Variants in QPCT observed in about 807,000 individuals in gnomAD.
The protein encoded by QPCT is EC.
A neutral mutation model predicts 43.4 loss-of-function variants in QPCT; 44 were observed. The observed-to-expected ratio is 1.01, with a 90% CI of 0.80 to 1.30. QPCT has a LOEUF of 1.30. Ranked by LOEUF, QPCT falls within the 50% of genes most tolerant of loss-of-function variation. The pLI is 0.00. For synonymous variants in QPCT, 168 were observed against 168.4 expected (o/e 1.00, Z 0.02); for missense variants, 526 against 436.5 (o/e 1.21, Z -1.83).
rs755809921 is a variant in QPCT, at chr2:37,372,381, G to C, written c.849G>C (p.Leu283Phe). 3.7e-6 allele frequency: 6 copies of C among 1,613,970 alleles called. No homozygotes were observed. Among genetic ancestry groups the C allele is most frequent in the East Asian group, 4.5e-5 (2 of 44,882 alleles). ...AACATGAACTTCATGAATTGGGTTT[G>C]CTCAAGGATCACTCTTTGGAGGGGC... is the stretch of plus-strand genomic sequence containing the variant. ...AIEHELHELG[L>F]LKDHSLEGRY... Residue 283 changes from leucine to phenylalanine, a missense_variant, in exon 6 of 7, where the codon TTG (leucine) becomes TTC (phenylalanine). Physicochemically the swap from Leu to Phe is conservative, Grantham distance 22 (BLOSUM62 0). Transcript: ENST00000338415.
Position 37,352,790 on chromosome 2 carries a change from A to AT in QPCT, c.124dup (p.Tyr42LeufsTer23). The stretch of plus-strand genomic sequence containing the variant: ...TAAATGATTTCATTCAATCCTCAGA[A>AT]TTACCACCAGCCAGCCATTTTGAAT... On this transcript the variant is annotated frameshift_variant and splice_region_variant, in exon 2 of 7. Coordinates refer to ENST00000338415, the MANE Select transcript of QPCT (RefSeq NM_012413.4). LOFTEE classifies it high-confidence loss of function. The AT allele has an allele frequency of 2.5e-6, 4 of 1,613,830 alleles. No individual in the cohort carries two copies. Among genetic ancestry groups the AT allele is most frequent in the Non-Finnish European group, 3.4e-6 (4 of 1,179,718 alleles).
At chr2:37,350,314 C>G (rs1352866609) in intron 1 of QPCT, among the ~76,000 whole-genome samples, 1 of 152,206 alleles carries the variant, frequency 6.6e-6, no homozygotes, top group Non-Finnish European at 1.5e-5. Context: ...CCATGGAAGT[C>G]TTCTGACCTC....
rs1672827461 is a variant in QPCT, at chr2:37,359,842, A to G, written c.530A>G (p.Lys177Arg). The G allele has an allele frequency of 6.2e-7, 1 of 1,614,028 alleles. No homozygotes were observed. The highest frequency in any genetic ancestry group is 1.1e-5 in the South Asian group (1 of 91,094). ...MLELARALDK[K>R]LLSLKTVSDS... Reference sequence around the variant, plus strand: ...GAACTTGCTCGTGCCTTAGACAAGAAACTCCTTTCCTTAAAGGTATCTGTT... The same window carrying G: ...GAACTTGCTCGTGCCTTAGACAAGAGACTCCTTTCCTTAAAGGTATCTGTT... Residue 177 changes from lysine to arginine, a missense_variant, in exon 3 of 7, where the codon AAA (lysine) becomes AGA (arginine). Transcript: ENST00000338415.
At chr2:37,351,056 A>T (rs1672610744) in intron 1 of QPCT, among the ~76,000 whole-genome samples, 1 of 152,240 alleles carries the variant, frequency 6.6e-6, no homozygotes, top group African/African-American at 2.4e-5. Context: ...GAAAGTAAAC[A>T]GCCATCTCGG....
At chr2:37,371,398 C>A (rs562294672) in intron 5 of QPCT, among the ~76,000 whole-genome samples, 8 of 132,552 alleles carry the variant, frequency 6.0e-5, no homozygotes, top group African/African-American at 2.4e-4. Flanking sequence ...GGCGCCACTG[C>A]ACTCCAGCCT....
At chr2:37,348,583 C>T (rs1218603698) in intron 1 of QPCT, among the ~76,000 whole-genome samples, 3 of 152,194 alleles carry the variant, frequency 2.0e-5, no homozygotes, top group African/African-American at 4.8e-5. Context: ...CCCTTTAATT[C>T]AGTCTTTTGG....
At chr2:37,366,040 G>T (rs1672952455) in intron 3 of QPCT, among the ~76,000 whole-genome samples, 1 of 152,234 alleles carries the variant, frequency 6.6e-6, no homozygotes, top group Non-Finnish European at 1.5e-5. Flanking sequence ...AAGGGGCAAG[G>T]GAGTTGAGGG....
intron 1 of QPCT, among the ~76,000 whole-genome samples, chr2:37,349,836 T>A (rs1672581724): frequency 6.9e-6 from 1 of 145,802 alleles, no homozygotes; most frequent in East Asian, 2.1e-4. Context: ...GGCAGAAAAA[T>A]GCCCATGTTA....
chr2:37,353,025 A>G (rs2124933284), intron 2 of QPCT, 90 bp downstream of exon 2: 9 of 1,432,476 alleles, frequency 6.3e-6, no homozygotes, highest in Non-Finnish European at 8.4e-6. Flanking sequence ...TGAGGTGTCT[A>G]ATATTCAGAT....
chr2:37,372,241 T>G, intron 5 of QPCT, 115 bp from the exon 6 acceptor site: 1 of 795,728 alleles, frequency 1.3e-6, no homozygotes, highest in Non-Finnish European at 2.2e-6. Flanking sequence ...TTGCATAATC[T>G]TTTACAAATT....
In QPCT at chr2:37,356,574, G is replaced by A. The variant is rs1356566667; in HGVS notation, c.268-3006G>A. ...GAGTTCCCCTAGAGACTTCTGGTGGGGACTTGTAGACTAAGTCTGAAAGCC... is the reference window on the plus strand; with the variant it reads ...GAGTTCCCCTAGAGACTTCTGGTGGAGACTTGTAGACTAAGTCTGAAAGCC... On this transcript the variant is annotated intron_variant, in intron 2 of 6. Coordinates refer to ENST00000338415, the MANE Select transcript of QPCT (RefSeq NM_012413.4). Among the ~76,000 whole-genome samples, 4 of 152,132 alleles carry A rather than the reference G, an allele frequency of 2.6e-5. No individual in the cohort carries two copies. In the South Asian group the frequency reaches 8.3e-4, roughly 31 times the overall value.
At chr2:37,355,465 A>G (rs1481743373) in intron 2 of QPCT, among the ~76,000 whole-genome samples, 1 of 152,138 alleles carries the variant, frequency 6.6e-6, no homozygotes, top group Non-Finnish European at 1.5e-5. Context: ...CAAGGTTGTA[A>G]CTAGAGAAGA....
At chr2:37,363,205 G>T (rs1672888433) in intron 3 of QPCT, among the ~76,000 whole-genome samples, 1 of 152,196 alleles carries the variant, frequency 6.6e-6, no homozygotes, top group Non-Finnish European at 1.5e-5. Context: ...GAAAACACTG[G>T]CTGGGCACCA....
intron 5 of QPCT, 55 bp from the exon 6 acceptor site, chr2:37,372,301 G>A (rs1673092944): frequency 4.9e-6 from 6 of 1,212,444 alleles, no homozygotes. Flanking sequence ...GATACATTAT[G>A]AGTCTTGATA....
chr2:37,371,425 C>G (rs1433113661), intron 5 of QPCT, among the ~76,000 whole-genome samples: 1 of 104,414 alleles, frequency 9.6e-6, no homozygotes, highest in Non-Finnish European at 1.7e-5. Flanking sequence ...CAGCGAGACT[C>G]CATCTCAAAA....
Position 37,347,153 on chromosome 2 carries a change from T to TATATATC in QPCT, c.120+2308_120+2309insCATATAT, listed in dbSNP as rs1672507068. Reference sequence around the variant, plus strand: ...CTGGGTATGGGGTGTTTTATATATATATATATATATAACATATATATATAT... The same window carrying TATATATC: ...CTGGGTATGGGGTGTTTTATATATATATATATCATATATATATAACATATATATATAT... On this transcript the variant is annotated intron_variant, in intron 1 of 6. Coordinates refer to ENST00000338415, the MANE Select transcript of QPCT (RefSeq NM_012413.4). 1.2e-4 allele frequency among the ~76,000 whole-genome samples: 7 copies of TATATATC among 57,108 alleles called. 2 individuals are homozygous for TATATATC. Among genetic ancestry groups the TATATATC allele is most frequent in the African/African-American group, 4.6e-4 (5 of 10,970 alleles). The allele number at this position is 57,108 out of a possible 152,430, so 37.5% of individuals were successfully genotyped here.
chr2:37,370,075 C>T (rs1191834170), intron 5 of QPCT, among the ~76,000 whole-genome samples: 1 of 152,088 alleles, frequency 6.6e-6, no homozygotes. Flanking sequence ...ATCCCAGCTA[C>T]TTGATAGGCT....
At chr2:37,371,431 C>CAAAAAAAA (rs3050580) in intron 5 of QPCT, among the ~76,000 whole-genome samples, 118 of 69,070 alleles carry the variant, frequency 1.7e-3, no homozygotes, top group Non-Finnish European at 2.3e-3. Flanking sequence ...GACTCCATCT[C>CAAAAAAAA]AAAAAAAAAA....
chr2:37,371,017 A>G (rs1673063025), intron 5 of QPCT, among the ~76,000 whole-genome samples: 1 of 152,206 alleles, frequency 6.6e-6, no homozygotes, highest in Non-Finnish European at 1.5e-5. Flanking sequence ...CACTGCCATC[A>G]TAACTCACAC....
Sources: gnomAD v4.1 joint callset for allele counts (sites outside exome capture counted in the v4.1 genomes callset) on GRCh38, gnomAD v4.1.1 for gene constraint, MANE v1.5 for transcripts, NCBI Gene and HGNC (gene_info 2026-07-23, HGNC 2026-07-21) for gene names.